Variants in EBNA1BP2 observed in about 807,000 individuals in gnomAD.
The protein encoded by EBNA1BP2 is EBNA1 binding protein 2.
A neutral mutation model predicts 43.5 loss-of-function variants in EBNA1BP2; 36 were observed. That is an observed-to-expected ratio of 0.83 (90% CI 0.63 to 1.09). The LOEUF is 1.09. EBNA1BP2 is among the 50% of genes least tolerant of loss of function. The probability of loss-of-function intolerance (pLI) is 0.00; values close to 1 mark genes in which losing one functional copy is unlikely to be tolerated. For synonymous variants in EBNA1BP2, 127 were observed against 141.3 expected, an observed-to-expected ratio of 0.90 and a Z score of 0.72; for missense variants, 332 against 379.1, an observed-to-expected ratio of 0.88 and a Z score of 1.03.
At position 43,170,746 on chromosome 1, in the gene EBNA1BP2, T is replaced by C; in HGVS notation, c.447+10A>G. 3.7e-6 allele frequency: 6 copies of C among 1,602,894 alleles called. No individual in the cohort carries two copies. The highest frequency in any genetic ancestry group is 5.1e-6 in the Non-Finnish European group (6 of 1,175,496). On this transcript the variant is annotated intron_variant, in intron 4 of 8. Coordinates refer to ENST00000236051, the MANE Select transcript of EBNA1BP2 (RefSeq NM_006824.3). ...TTTTGACTTTCCAGAGGAAAACTTC[T>C]ATTTCTTACCTTCTGCATCTGCAGA...
intron 2 of EBNA1BP2, 28 bp downstream of exon 2, chr1:43,171,858 G>C (rs1415275665): frequency 6.2e-7 from 1 of 1,611,492 alleles, no homozygotes; most frequent in Non-Finnish European, 8.5e-7. Context: ...CCATGTCCGA[G>C]TACCCCCGAC....
At chr1:43,165,634 G>A (rs1425312305) in intron 7 of EBNA1BP2, among the ~76,000 whole-genome samples, 1 of 152,066 alleles carries the variant, frequency 6.6e-6, no homozygotes, top group Non-Finnish European at 1.5e-5. Context: ...GCTCATTACT[G>A]TTAGTACAAC....
Position 43,172,261 on chromosome 1 carries a change from T to C in EBNA1BP2, c.-143A>G, listed in dbSNP as rs9519. The C allele has an allele frequency of 0.24, 371,394 of 1,555,122 alleles. 46,788 individuals carry two copies. Among genetic ancestry groups the C allele is most frequent in the Middle Eastern group, 0.28 (1,656 of 5,996 alleles). On this transcript the variant is annotated 5_prime_UTR_variant, in exon 1 of 9. Transcript: ENST00000236051. ...GTGGCTCCACGTGCCACCGAATCGCTCCAGCGCCAGCAACTCACAGCTACT... is the reference window on the plus strand; with the variant it reads ...GTGGCTCCACGTGCCACCGAATCGCCCCAGCGCCAGCAACTCACAGCTACT...
Position 43,171,919 on chromosome 1 carries a change from C to T in EBNA1BP2, c.117G>A (p.Val39=), listed in dbSNP as rs1305161402. 2.5e-6 allele frequency: 4 copies of T among 1,614,160 alleles called. No homozygotes were observed. In the Admixed American group the frequency reaches 5.0e-5, roughly 20 times the overall value. The change falls in exon 2 of 9, where the codon GTG becomes GTA. Residue 39 remains valine, a synonymous_variant. Coordinates refer to ENST00000236051, the MANE Select transcript of EBNA1BP2 (RefSeq NM_006824.3). ...TCACGGCCTTCTTCGGCCCCTCTAGCACGACATTGAGGCCTGGCTTCAGAA... is the reference window on the plus strand; with the variant it reads ...TCACGGCCTTCTTCGGCCCCTCTAGTACGACATTGAGGCCTGGCTTCAGAA... The part of the protein sequence containing the change: ...RGLLKPGLNV[V]LEGPKKAVND...
At chr1:43,171,438 C>T (rs553342491) in intron 3 of EBNA1BP2, 41 bp downstream of exon 3, 2 of 1,576,788 alleles carry the variant, frequency 1.3e-6, no homozygotes, top group Admixed American at 3.6e-5. Flanking sequence ...CTCTCCTGCA[C>T]AAGGATCCTC....
Position 43,164,487 on chromosome 1 carries a change from G to C in EBNA1BP2, c.877C>G (p.Pro293Ala), listed in dbSNP as rs1440069394. The change falls in exon 9 of 9, where the codon CCT becomes GCT. Residue 293 changes from proline to alanine, a missense_variant. By Grantham distance (27) the Pro-to-Ala change is conservative (BLOSUM62 -1). This residue lies in a region of EBNA1BP2 where 59 missense variants were observed against 53.3 expected (regional missense o/e 1.11). Transcript: ENST00000236051. ...RPGKKGSNKR[P>A]GKRTREKMKN... ...ATCTTCTCTCTTGTTCGTTTTCCAGGTCTCTTCTACAGAAAAAGACATACC... is the reference window on the plus strand; with the variant it reads ...ATCTTCTCTCTTGTTCGTTTTCCAGCTCTCTTCTACAGAAAAAGACATACC... 2.5e-6 allele frequency: 4 copies of C among 1,614,092 alleles called. No individual in the cohort carries two copies.
intron 7 of EBNA1BP2, among the ~76,000 whole-genome samples, chr1:43,165,337 C>A (rs953791946): frequency 5.9e-5 from 9 of 152,190 alleles, no homozygotes; most frequent in African/African-American, 2.2e-4. Flanking sequence ...AAATTCACAT[C>A]ATCTCCTGGA....
In EBNA1BP2 at chr1:43,164,409, CT is replaced by C; in HGVS notation, c.*33del. Reference sequence around the variant, plus strand: ...GTCGTGAAATTGCGAGTCTTCATTCCTTTTTCTTGGTTCTTTGTATTCAAAG... The same window carrying C: ...GTCGTGAAATTGCGAGTCTTCATTCCTTTTCTTGGTTCTTTGTATTCAAAG... On this transcript the variant is annotated 3_prime_UTR_variant, in exon 9 of 9. Coordinates refer to ENST00000236051, the MANE Select transcript of EBNA1BP2 (RefSeq NM_006824.3). 6.2e-7 allele frequency: 1 copy of C among 1,613,832 alleles called. No homozygotes were observed. Among genetic ancestry groups the C allele is most frequent in the Non-Finnish European group, 8.5e-7 (1 of 1,179,760 alleles).
chr1:43,171,842 C>A, intron 2 of EBNA1BP2, 44 bp downstream of exon 2: 3 of 1,606,674 alleles, frequency 1.9e-6, no homozygotes, highest in Non-Finnish European at 2.6e-6. Flanking sequence ...GCGCCTGAAG[C>A]GCATCCCATG....
At chr1:43,167,805 G>A (rs1250958458) in intron 5 of EBNA1BP2, among the ~76,000 whole-genome samples, 1 of 152,152 alleles carries the variant, frequency 6.6e-6, no homozygotes, top group Non-Finnish European at 1.5e-5. Context: ...CTACAGTGTG[G>A]AGAGAATAAT....
At chr1:43,168,647 T>C (rs116337547) in intron 5 of EBNA1BP2, among the ~76,000 whole-genome samples, 3,214 of 152,206 alleles carry the variant, frequency 0.021, 119 homozygotes, top group African/African-American at 0.074. Context: ...TTTCCCCTGG[T>C]GATTTTGCTA....
At chr1:43,167,289 T>C in intron 5 of EBNA1BP2, 54 bp from the exon 6 acceptor site, 1 of 1,531,988 alleles carries the variant, frequency 6.5e-7, no homozygotes, top group African/African-American at 1.4e-5. Context: ...TACTCCAGTG[T>C]CTACATTGTC....
In EBNA1BP2 at chr1:43,172,132, C is replaced by T. The variant is rs780739872; in HGVS notation, c.-14G>A. On this transcript the variant is annotated 5_prime_UTR_variant, in exon 1 of 9. It adds an upstream start codon to the 5' untranslated region. Coordinates refer to ENST00000236051, the MANE Select transcript of EBNA1BP2 (RefSeq NM_006824.3). Reference sequence around the variant, plus strand: ...GGGAGTGTCCATCTCGCCGCACGCACGTCCCACACCTACAGGAAGAAACGG... The same window carrying T: ...GGGAGTGTCCATCTCGCCGCACGCATGTCCCACACCTACAGGAAGAAACGG... The T allele has an allele frequency of 6.2e-7, 1 of 1,614,134 alleles. No homozygotes were observed. Among genetic ancestry groups the T allele is most frequent in the Non-Finnish European group, 8.5e-7 (1 of 1,180,024 alleles).
chr1:43,170,706 T>C (rs1644954171), intron 4 of EBNA1BP2, 50 bp downstream of exon 4: 1 of 1,578,776 alleles, frequency 6.3e-7, no homozygotes, highest in African/African-American at 1.4e-5. Context: ...CAGCTGAATA[T>C]GCTTAAGTAC....
chr1:43,164,615 CCTCACCCGGGCACCTGGG>C lies in EBNA1BP2; in HGVS notation c.870+10_870+27del, dbSNP rs1412251786. On this transcript the variant is annotated intron_variant, in intron 8 of 8. Coordinates refer to ENST00000236051, the MANE Select transcript of EBNA1BP2 (RefSeq NM_006824.3). ...AGTGGGAGGGGAGGCTGAGCCTGCT[CCTCACCCGGGCACCTGGG>C]CTCACTTACATTTGACCCTTTCTTG... 2.5e-6 allele frequency: 4 copies of C among 1,613,778 alleles called. No individual in the cohort carries two copies. The Admixed American group carries it at 5.0e-5, about 20-fold the overall frequency.
chr1:43,168,766 C>A (rs561429831), intron 5 of EBNA1BP2, among the ~76,000 whole-genome samples, 173 bp downstream of exon 5: 5 of 152,228 alleles, frequency 3.3e-5, no homozygotes, highest in African/African-American at 1.2e-4. Flanking sequence ...TCCTGGGGAA[C>A]CACTCATGTC....
chr1:43,171,370 C>G (rs1446282635), intron 3 of EBNA1BP2, 109 bp downstream of exon 3: 1 of 1,346,640 alleles, frequency 7.4e-7, no homozygotes, highest in Non-Finnish European at 9.8e-7. Context: ...AAAGAAGCCG[C>G]TCTCTCTACT....
At chr1:43,170,936 T>C in intron 3 of EBNA1BP2, 57 bp from the exon 4 acceptor site, 1 of 1,479,742 alleles carries the variant, frequency 6.8e-7, no homozygotes, top group Admixed American at 2.7e-5. Context: ...TTACGTTCCT[T>C]TTCACCGCCA....
chr1:43,168,856 T>C (rs1644934965), intron 5 of EBNA1BP2, 83 bp downstream of exon 5: 3 of 1,365,494 alleles, frequency 2.2e-6, no homozygotes, highest in Admixed American at 1.7e-5. Flanking sequence ...TTCCGTTCAG[T>C]TCAGGGGACC....
Sources: gnomAD v4.1 joint callset for allele counts (sites outside exome capture counted in the v4.1 genomes callset) on GRCh38, gnomAD v4.1.1 for gene constraint, gnomAD v4.1.1 regional missense constraint, MANE v1.5 for transcripts, NCBI Gene and HGNC (gene_info 2026-07-23, HGNC 2026-07-21) for gene names.